RBM20: variants seen among roughly 807,000 people sequenced by gnomAD.
The protein encoded by RBM20 is RNA binding motif protein 20.
In RBM20, 51 loss-of-function variants were observed where a neutral mutation model predicts 110.1. The observed-to-expected ratio is 0.46, with a 90% CI of 0.37 to 0.59. The LOEUF is 0.59. RBM20 is among the 20% of genes least tolerant of loss of function. The pLI is 0.00. For synonymous variants in RBM20, 589 were observed against 618.2 expected (o/e 0.95, Z 0.70); for missense variants, 1,512 against 1,574.9 (o/e 0.96, Z 0.68).
rs1845155352 is a variant in RBM20, at chr10:110,838,022, A to C, written c.*2044A>C. 1 of 152,230 alleles carries C rather than the reference A, an allele frequency of 6.6e-6. No individual in the cohort carries two copies. The highest frequency in any genetic ancestry group is 1.5e-5 in the Non-Finnish European group (1 of 68,058). The allele number at this position is 152,230 out of a possible 1,614,324, so 9.4% of individuals were successfully genotyped here. A position where few individuals can be genotyped will look rare whatever the true frequency, so the allele number is the denominator to read the frequency against. On this transcript the variant is annotated 3_prime_UTR_variant, in exon 14 of 14. Transcript: ENST00000369519. ...AATCAGGAGAGAGAGAGAGAGAAAGAATAGCCAAATCCCCAAACAGGCCAG... is the reference window on the plus strand; with the variant it reads ...AATCAGGAGAGAGAGAGAGAGAAAGCATAGCCAAATCCCCAAACAGGCCAG...
chr10:110,707,221 A>G (rs1307811533), intron 1 of RBM20, among the ~76,000 whole-genome samples: 1 of 152,214 alleles, frequency 6.6e-6, no homozygotes, highest in Non-Finnish European at 1.5e-5. Context: ...GTATTAGAAA[A>G]TCTATCCTAG....
chr10:110,833,377 A>G (rs947582590), intron 13 of RBM20, among the ~76,000 whole-genome samples: 2 of 87,078 alleles, frequency 2.3e-5, no homozygotes, highest in African/African-American at 7.8e-5. Flanking sequence ...TGACGGAGCG[A>G]AACTCTGTCT....
At chr10:110,833,416 C>T (rs1026417019) in intron 13 of RBM20, among the ~76,000 whole-genome samples, 12 of 50,644 alleles carry the variant, frequency 2.4e-4, no homozygotes, top group Non-Finnish European at 4.1e-4. Context: ...AGAAATGCAG[C>T]TTCCTGGCTC....
chr10:110,780,501 G>A lies in RBM20; in HGVS notation c.192-300G>A, dbSNP rs74158132. 7.2e-3 allele frequency among the ~76,000 whole-genome samples: 1,095 copies of A among 152,170 alleles called. 8 individuals are homozygous for A. The highest frequency in any genetic ancestry group is 0.025 in the African/African-American group (1,043 of 41,512). On this transcript the variant is annotated intron_variant, in intron 1 of 13. Coordinates refer to ENST00000369519, the MANE Select transcript of RBM20 (RefSeq NM_001134363.3). ...GCCTATTCTACTCTCTCTCCAACAC[G>A]GAGTGCCATTTTAAAAAATTGCTAT...
At chr10:110,803,716 T>C (rs1265286868) in intron 7 of RBM20, among the ~76,000 whole-genome samples, 1 of 144,602 alleles carries the variant, frequency 6.9e-6, no homozygotes, top group Non-Finnish European at 1.5e-5. Flanking sequence ...AACTACATAG[T>C]AATGCATGCT....
intron 1 of RBM20, among the ~76,000 whole-genome samples, chr10:110,689,712 C>T (rs1199372690): frequency 6.6e-6 from 1 of 152,158 alleles, no homozygotes; most frequent in East Asian, 1.9e-4. Context: ...TGTAGAGTCC[C>T]TCCTGTTGGT....
chr10:110,782,315 A>C (rs1844364557), intron 2 of RBM20, among the ~76,000 whole-genome samples: 1 of 152,196 alleles, frequency 6.6e-6, no homozygotes, highest in African/African-American at 2.4e-5. Context: ...GAAACAGATT[A>C]ATTCCCCCTT....
At chr10:110,691,615 T>C (rs1391465071) in intron 1 of RBM20, among the ~76,000 whole-genome samples, 2 of 152,228 alleles carry the variant, frequency 1.3e-5, no homozygotes, top group Non-Finnish European at 2.9e-5. Flanking sequence ...TACCTGTTTT[T>C]GAATTGAATT....
intron 1 of RBM20, among the ~76,000 whole-genome samples, chr10:110,660,230 C>T (rs1862082406): frequency 6.6e-6 from 1 of 152,070 alleles, no homozygotes; most frequent in African/African-American, 2.4e-5. Flanking sequence ...GTAATAATGA[C>T]AGTCGACTTG....
chr10:110,658,577 G>A (rs184001083), intron 1 of RBM20, among the ~76,000 whole-genome samples: 10 of 151,964 alleles, frequency 6.6e-5, no homozygotes, highest in Admixed American at 1.3e-4. Context: ...GCCCACTGCC[G>A]TCCCCTTAGT....
chr10:110,696,974 G>C (rs767124625), intron 1 of RBM20, among the ~76,000 whole-genome samples: 3 of 152,136 alleles, frequency 2.0e-5, no homozygotes, highest in Admixed American at 6.5e-5. Context: ...GCCACCAAAG[G>C]CAACCCCCAT....
At chr10:110,734,543 G>A (rs1181644978) in intron 1 of RBM20, among the ~76,000 whole-genome samples, 1 of 151,592 alleles carries the variant, frequency 6.6e-6, no homozygotes, top group Non-Finnish European at 1.5e-5. Context: ...AAATCCTGTG[G>A]GTGAACTCAT....
At chr10:110,734,052 C>T (rs769599513) in intron 1 of RBM20, among the ~76,000 whole-genome samples, 4 of 152,180 alleles carry the variant, frequency 2.6e-5, no homozygotes, top group African/African-American at 4.8e-5. Flanking sequence ...CCCTCCCTTC[C>T]ATTGGATGAG....
intron 1 of RBM20, among the ~76,000 whole-genome samples, chr10:110,655,030 G>T (rs760997430): frequency 3.3e-5 from 5 of 152,140 alleles, no homozygotes; most frequent in Admixed American, 6.5e-5. Flanking sequence ...ACCCAGGAAA[G>T]CTAAGAAAAA....
chr10:110,776,241 A>G (rs777822300), intron 1 of RBM20, among the ~76,000 whole-genome samples: 18 of 152,206 alleles, frequency 1.2e-4, no homozygotes, highest in Admixed American at 2.6e-4. Context: ...AGCAAGGTCC[A>G]GTCAGCCCCT....
At chr10:110,658,221 A>G (rs969894429) in intron 1 of RBM20, among the ~76,000 whole-genome samples, 2 of 152,238 alleles carry the variant, frequency 1.3e-5, no homozygotes, top group African/African-American at 2.4e-5. Flanking sequence ...GACTGGATTT[A>G]CCAAAGGCCA....
rs892012024 is a variant in RBM20 at position 110,821,373 on chromosome 10, A to T, written c.2754A>T (p.Glu918Asp). 1 of 1,551,794 alleles carries T rather than the reference A, an allele frequency of 6.4e-7. No homozygotes were observed. Among genetic ancestry groups the T allele is most frequent in the Non-Finnish European group, 8.7e-7 (1 of 1,147,016 alleles). The stretch of plus-strand genomic sequence containing the variant: ...CAGTGGACGAGGTTGGGGAAGAAGA[A>T]GATTTTATCGTGGAACCAGACATCC... Reference protein sequence around the residue: ...LVTVDEVGEEEDFIVEPDIPE... With the variant: ...LVTVDEVGEEDDFIVEPDIPE... Residue 918 changes from glutamate (E) to aspartate (D), a missense_variant, in exon 11 of 14, where the codon GAA becomes GAT. By Grantham distance (45) the Glu-to-Asp change is conservative. Coordinates refer to ENST00000369519, the MANE Select transcript of RBM20 (RefSeq NM_001134363.3).
rs185366411 is a variant in RBM20 at position 110,660,575 on chromosome 10, G to A, written c.191+15930G>A. Among the ~76,000 whole-genome samples the A allele has an allele frequency of 4.7e-3, 719 of 152,264 alleles. 7 individuals are homozygous for A. Among genetic ancestry groups the A allele is most frequent in the African/African-American group, 0.016 (668 of 41,546 alleles). On this transcript the variant is annotated intron_variant, in intron 1 of 13. Transcript: ENST00000369519. Reference sequence around the variant, plus strand: ...CTGAGCTCCGCCTCCTGTCAGATCAGTGGTGGCATTAGATTCTCATAGGAG... The same window carrying A: ...CTGAGCTCCGCCTCCTGTCAGATCAATGGTGGCATTAGATTCTCATAGGAG...
chr10:110,739,473 G>A lies in RBM20; in HGVS notation c.192-41328G>A, dbSNP rs567189563. Among the ~76,000 whole-genome samples the A allele has an allele frequency of 1.3e-5, 2 of 152,186 alleles. No homozygotes were observed. The highest frequency in any genetic ancestry group is 2.4e-5 in the African/African-American group (1 of 41,518). On this transcript the variant is annotated intron_variant, in intron 1 of 13. Transcript: ENST00000369519. The surrounding 1 kb of genome is among the most constrained non-coding windows in gnomAD (Gnocchi z 4.1). ...AAATGGATTGTTTTGATGAGCTGCCGGATCTCTTGACCCCTCAGAGAATTT... is the reference window on the plus strand; with the variant it reads ...AAATGGATTGTTTTGATGAGCTGCCAGATCTCTTGACCCCTCAGAGAATTT...
Sources: gnomAD v4.1 joint callset for allele counts (sites outside exome capture counted in the v4.1 genomes callset) on GRCh38, gnomAD v4.1.1 for gene constraint, Gnocchi (gnomAD v3.1) non-coding constraint, MANE v1.5 for transcripts, NCBI Gene and HGNC (gene_info 2026-07-23, HGNC 2026-07-21) for gene names.